Variants in PLEKHA1 observed in about 807,000 individuals in gnomAD.
The protein encoded by PLEKHA1 is pleckstrin homology domain-containing family A member 1.
Under a neutral mutation model 52.0 loss-of-function variants are expected in PLEKHA1, and 34 were observed. The ratio of observed to expected loss-of-function variants is 0.65; its 90% CI spans 0.50 to 0.87. The LOEUF (loss-of-function observed/expected upper bound fraction) is 0.87. Among genes scored for constraint, PLEKHA1 ranks in the 40% least tolerant of loss-of-function variants. The pLI, the probability that PLEKHA1 is intolerant of heterozygous loss-of-function variation, is 0.00. For missense variants in PLEKHA1, 497 were observed against 504.2 expected (o/e 0.99, Z 0.14); for synonymous variants, 163 against 170.7 (o/e 0.95, Z 0.35).
At chr10:122,375,960 A>G (rs930590911) in intron 1 of PLEKHA1, among the ~76,000 whole-genome samples, 1 of 152,184 alleles carries the variant, frequency 6.6e-6, no homozygotes, top group Non-Finnish European at 1.5e-5. Context: ...TAATGACTGG[A>G]ACAAATAGTG....
chr10:122,425,051 G>A (rs9783213), intron 10 of PLEKHA1, 92 bp downstream of exon 10: 122,070 of 1,161,466 alleles, frequency 0.11, 7,158 homozygotes, highest in Middle Eastern at 0.16. Flanking sequence ...TGTTGCACTT[G>A]AGGTTAAAAA....
At position 122,414,611 on chromosome 10, in the gene PLEKHA1, A is replaced by G. The variant is rs77871367; in HGVS notation, c.469-1248A>G. On this transcript the variant is annotated intron_variant, in intron 6 of 11. Coordinates refer to ENST00000368990, the MANE Select transcript of PLEKHA1 (RefSeq NM_001001974.4). ...CTCAGAACCCAACAGTAAAAAGCCCAAGAAATCCAATTAGAAAATTCATGA... is the reference window on the plus strand; with the variant it reads ...CTCAGAACCCAACAGTAAAAAGCCCGAGAAATCCAATTAGAAAATTCATGA... 9.5e-3 allele frequency among the ~76,000 whole-genome samples: 1,441 copies of G among 152,272 alleles called. 78 individuals carry two copies. The East Asian group carries it at 0.16, about 16-fold the overall frequency.
chr10:122,398,796 G>T (rs2096887156), intron 3 of PLEKHA1, among the ~76,000 whole-genome samples: 1 of 152,084 alleles, frequency 6.6e-6, no homozygotes, highest in Admixed American at 6.5e-5. Context: ...CTGTTTAGAA[G>T]ATAGATGTTA....
At chr10:122,407,366 T>C (rs545627903) in intron 5 of PLEKHA1, among the ~76,000 whole-genome samples, 1 of 152,336 alleles carries the variant, frequency 6.6e-6, no homozygotes, top group South Asian at 2.1e-4. Flanking sequence ...TTATTAACAC[T>C]GTGCCAGATC....
chr10:122,441,709 A>C, the PLEKHA1 span: 1 of 152,180 alleles, frequency 6.6e-6, no homozygotes, highest in Non-Finnish European at 1.5e-5. Context: ...GTTGGAATAA[A>C]AATATTTTTT....
downstream of PLEKHA1, chr10:122,432,953 T>C (rs1295971036): frequency 1.3e-5 from 2 of 152,366 alleles, no homozygotes; most frequent in African/African-American, 4.8e-5. Flanking sequence ...GAAAAGTGTA[T>C]ACCTATTTGT....
At chr10:122,382,093 G>A (rs1239278929) in intron 1 of PLEKHA1, among the ~76,000 whole-genome samples, 1 of 152,192 alleles carries the variant, frequency 6.6e-6, no homozygotes, top group African/African-American at 2.4e-5. Context: ...ACTCTAGAAT[G>A]AAAGACAATT....
chr10:122,396,321 C>T (rs561540185), intron 2 of PLEKHA1, among the ~76,000 whole-genome samples: 35 of 152,042 alleles, frequency 2.3e-4, no homozygotes, highest in Non-Finnish European at 4.6e-4. Flanking sequence ...GACATATTTA[C>T]ATTTCTTTTC....
chr10:122,424,279 G>C lies in PLEKHA1; in HGVS notation c.746+16G>C. 4 of 1,581,296 alleles carry C rather than the reference G, an allele frequency of 2.5e-6. No homozygotes were observed. The highest frequency in any genetic ancestry group is 1.2e-5 in the South Asian group (1 of 84,580). The stretch of plus-strand genomic sequence containing the variant: ...GTAAGCAAAGGTAAGGAACCGCTCT[G>C]ACTTGATGCCTGGCACAAGTTATAA... On this transcript the variant is annotated intron_variant, in intron 9 of 11. Transcript: ENST00000368990.
At chr10:122,424,838 TGAAAGAG>T in intron 9 of PLEKHA1, 51 bp from the exon 10 acceptor site, 1 of 1,459,162 alleles carries the variant, frequency 6.9e-7, no homozygotes, top group South Asian at 1.2e-5. Flanking sequence ...GGTAAACAAA[TGAAAGAG>T]AAACTCAAAC....
rs555933871 is a variant in PLEKHA1 at position 122,399,204 on chromosome 10, T to G, written c.199-1139T>G. On this transcript the variant is annotated intron_variant, in intron 3 of 11. Coordinates refer to ENST00000368990, the MANE Select transcript of PLEKHA1 (RefSeq NM_001001974.4). ...AAAAATTTATTTCTGGAACAAACTTTTGTGTGACTCAGAACTGTGAGTTTG... is the reference window on the plus strand; with the variant it reads ...AAAAATTTATTTCTGGAACAAACTTGTGTGTGACTCAGAACTGTGAGTTTG... Among the ~76,000 whole-genome samples, 4 of 152,314 alleles carry G rather than the reference T, an allele frequency of 2.6e-5. No individual in the cohort carries two copies. The South Asian group carries it at 6.2e-4, about 24-fold the overall frequency.
Position 122,429,804 on chromosome 10 carries a change from G to T in PLEKHA1, c.1081G>T (p.Val361Phe), listed in dbSNP as rs138643724. ...VKPGNFKVQTVSPREPASKVT... is the reference protein window; with the variant it reads ...VKPGNFKVQTFSPREPASKVT... ...GCCAGGGAACTTCAAGGTCCAGACT[G>T]TCTCTCCAAGAGAACCAGCTTCCAA... Residue 361 changes from valine to phenylalanine, a missense_variant, in exon 12 of 12, where the codon GTC becomes TTC. By Grantham distance (50) the Val-to-Phe change is conservative. Transcript: ENST00000368990. 1 of 1,614,098 alleles carries T rather than the reference G, an allele frequency of 6.2e-7. No homozygotes were observed. Among genetic ancestry groups the T allele is most frequent in the Admixed American group, 1.7e-5 (1 of 60,002 alleles).
At chr10:122,400,988 T>C (rs2096919670) in intron 4 of PLEKHA1, among the ~76,000 whole-genome samples, 1 of 152,192 alleles carries the variant, frequency 6.6e-6, no homozygotes, top group African/African-American at 2.4e-5. Flanking sequence ...GCACAAAGAA[T>C]GACCTTCAAA....
At chr10:122,381,835 G>C (rs185889435) in intron 1 of PLEKHA1, among the ~76,000 whole-genome samples, 1 of 152,294 alleles carries the variant, frequency 6.6e-6, no homozygotes, top group Admixed American at 6.5e-5. Flanking sequence ...AGCTCAGTTT[G>C]TTAAGTTTGA....
intron 11 of PLEKHA1, chr10:122,428,234 A>T (rs749018267): frequency 6.8e-7 from 1 of 1,480,436 alleles, no homozygotes; most frequent in African/African-American, 1.4e-5. Flanking sequence ...CCCTCTACCC[A>T]GTATAGGTTA....
chr10:122,379,395 A>G lies in PLEKHA1; in HGVS notation c.-21+4589A>G, dbSNP rs191738465. ...TTCTTTCTGTGCCCTGCCATTTCTC[A>G]TCAATTCTCTTTGTCCCCCTTTTCA... On this transcript the variant is annotated intron_variant, in intron 1 of 11. Transcript: ENST00000368990. 2.0e-3 allele frequency among the ~76,000 whole-genome samples: 302 copies of G among 152,272 alleles called. 1 individual carries two copies. The highest frequency in any genetic ancestry group is 7.0e-3 in the African/African-American group (290 of 41,568).
intron 7 of PLEKHA1, among the ~76,000 whole-genome samples, chr10:122,416,809 A>G (rs2133213043): frequency 6.6e-6 from 1 of 152,208 alleles, no homozygotes; most frequent in Non-Finnish European, 1.5e-5. Context: ...ACTTAAAATT[A>G]TTTTGGTGGT....
intron 2 of PLEKHA1, among the ~76,000 whole-genome samples, chr10:122,394,263 A>G (rs2096820902): frequency 6.6e-6 from 1 of 151,458 alleles, no homozygotes; most frequent in African/African-American, 2.4e-5. Flanking sequence ...TTTAGTAGAG[A>G]CAGGGTTTTT....
chr10:122,421,584 A>G (rs2097260601), intron 8 of PLEKHA1: 1 of 152,140 alleles, frequency 6.6e-6, no homozygotes, highest in Non-Finnish European at 1.5e-5. Context: ...CAGGAAAATC[A>G]GTTCTTTATG....
Sources: gnomAD v4.1 joint callset for allele counts (sites outside exome capture counted in the v4.1 genomes callset) on GRCh38, gnomAD v4.1.1 for gene constraint, MANE v1.5 for transcripts, NCBI Gene and HGNC (gene_info 2026-07-23, HGNC 2026-07-21) for gene names.